EPC1: variants seen among roughly 807,000 people sequenced by gnomAD.
The protein encoded by EPC1 is enhancer of polycomb 1, also known as enhancer of polycomb homolog 1.
EPC1 carries 12 observed loss-of-function variants against 98.4 expected under a neutral mutation model. That is an observed-to-expected ratio of 0.12 (90% confidence interval 0.08 to 0.20). The LOEUF (loss-of-function observed/expected upper bound fraction) is 0.20. Ranked by LOEUF, EPC1 falls within the 10% of genes least tolerant of loss-of-function variation. The probability of loss-of-function intolerance (pLI) is 1.00; values close to 1 mark genes in which losing one functional copy is unlikely to be tolerated. For missense variants in EPC1, 729 were observed against 990.5 expected, an observed-to-expected ratio of 0.74 and a Z score of 3.54; for synonymous variants, 357 against 363.9, an observed-to-expected ratio of 0.98 and a Z score of 0.21.
upstream of EPC1, among the ~76,000 whole-genome samples, chr10:32,352,138 A>G (rs1839131968): frequency 2.9e-5 from 4 of 136,258 alleles, no homozygotes; most frequent in Middle Eastern, 4.7e-3. Flanking sequence ...TCCGCCTCCC[A>G]GGTTCACGCC....
chr10:32,304,453 A>C (rs925998453), intron 2 of EPC1, among the ~76,000 whole-genome samples: 2 of 152,232 alleles, frequency 1.3e-5, no homozygotes, highest in Admixed American at 6.5e-5. Flanking sequence ...TTAGGTTCTA[A>C]TATCTATCAC....
intron 10 of EPC1, among the ~76,000 whole-genome samples, chr10:32,280,582 T>C (rs1306944689): frequency 3.9e-5 from 6 of 151,992 alleles, no homozygotes; most frequent in Non-Finnish European, 7.4e-5. Flanking sequence ...CTACTAAAAA[T>C]ACAAAAATTA....
rs71493124 is a variant in EPC1, at chr10:32,378,441, C to G, written c.3+50G>C. 78 of 1,470,898 alleles carry G rather than the reference C, an allele frequency of 5.3e-5. 1 individual carries two copies. The Middle Eastern group carries it at 8.6e-4, about 16-fold the overall frequency. 91.1% of individuals were successfully genotyped at this position (1,470,898 alleles called of 1,614,324 possible). A position where few individuals can be genotyped will look rare whatever the true frequency, so the allele number is the denominator to read the frequency against. ...GAAACACAATGAAAATCCTTTTTAG[C>G]CGGTGGCTCTTTCAAAGACTGACAT... On this transcript the variant is annotated intron_variant, in intron 1 of 13. Transcript: ENST00000375110.
At chr10:32,367,387 A>G (rs1024154442) in intron 1 of EPC1, among the ~76,000 whole-genome samples, 10 of 152,240 alleles carry the variant, frequency 6.6e-5, no homozygotes, top group African/African-American at 2.2e-4. Context: ...TAAAAAGGCT[A>G]GTAAGAGATG....
upstream of EPC1, among the ~76,000 whole-genome samples, chr10:32,349,408 C>T (rs78618758): frequency 0.011 from 1,728 of 152,258 alleles, 35 homozygotes; most frequent in African/African-American, 0.039. Context: ...GATAAGCTTA[C>T]AGATTCACTT....
Position 32,364,001 on chromosome 10 carries a change from C to CCTTTTTTTTTT in EPC1, c.3+14489_3+14490insAAAAAAAAAAG, listed in dbSNP as rs770520611. ...AATAGTATCGTGTCCATCATGTTGG[C>CCTTTTTTTTTT]ATTTTTTTTTTTTTTTTTTTTTTTT... On this transcript the variant is annotated intron_variant, in intron 1 of 13. Coordinates refer to the EPC1 transcript ENST00000375110. Among the ~76,000 whole-genome samples, 45 of 61,858 alleles carry CCTTTTTTTTTT rather than the reference C, an allele frequency of 7.3e-4. 20 individuals carry two copies. Among genetic ancestry groups the CCTTTTTTTTTT allele is most frequent in the Non-Finnish European group, 6.8e-4 (22 of 32,530 alleles). 40.6% of individuals were successfully genotyped at this position (61,858 alleles called of 152,430 possible).
intron 1 of EPC1, among the ~76,000 whole-genome samples, chr10:32,322,023 T>G (rs1395285071): frequency 1.3e-5 from 2 of 149,598 alleles, no homozygotes; most frequent in African/African-American, 2.5e-5. Flanking sequence ...CTTAGAGTAC[T>G]TCTACTTGAT....
Position 32,325,371 on chromosome 10 carries a change from G to T in EPC1, c.154-19440C>A, listed in dbSNP as rs938364685. On this transcript the variant is annotated intron_variant, in intron 1 of 13. Transcript: ENST00000319778. The stretch of plus-strand genomic sequence containing the variant: ...ACAATGGATATGAGATAACTCACTG[G>T]ATCATTTTTAAAGCTTAATGCTATG... Among the ~76,000 whole-genome samples, 7 of 152,258 alleles carry T rather than the reference G, an allele frequency of 4.6e-5. No homozygotes were observed. The South Asian group carries it at 6.2e-4, about 14-fold the overall frequency.
chr10:32,343,810 A>G (rs1277079011), intron 1 of EPC1, among the ~76,000 whole-genome samples: 1 of 152,096 alleles, frequency 6.6e-6, no homozygotes, highest in African/African-American at 2.4e-5. Flanking sequence ...CACGAATAAT[A>G]CTTATTTTCC....
At chr10:32,332,470 T>G (rs532439080) in intron 1 of EPC1, among the ~76,000 whole-genome samples, 1 of 152,206 alleles carries the variant, frequency 6.6e-6, no homozygotes, top group Non-Finnish European at 1.5e-5. Flanking sequence ...GCAGAAGTGA[T>G]AGTACGTCAC....
intron 1 of EPC1, among the ~76,000 whole-genome samples, chr10:32,343,395 G>C (rs929746449): frequency 1.3e-5 from 2 of 152,144 alleles, no homozygotes; most frequent in Admixed American, 6.5e-5. Context: ...ATTTTTAGTA[G>C]AGACAGGGTT....
chr10:32,347,043 G>A lies in EPC1; in HGVS notation c.-128C>T. 1 of 1,471,282 alleles carries A rather than the reference G, an allele frequency of 6.8e-7. No homozygotes were observed. Among genetic ancestry groups the A allele is most frequent in the South Asian group, 1.4e-5 (1 of 73,700 alleles). 91.1% of individuals were successfully genotyped at this position (1,471,282 alleles called of 1,614,324 possible). ...ACTTGAGGGGCGGAGCGCAGAGCCC[G>A]CCGTCCGGGCACTAACACCAGCCGG... On this transcript the variant is annotated 5_prime_UTR_variant, in exon 1 of 14. Coordinates refer to ENST00000319778, the MANE Select transcript of EPC1 (RefSeq NM_001272004.3).
chr10:32,291,497 T>C, intron 5 of EPC1, 175 bp from the exon 6 acceptor site: 2 of 520,780 alleles, frequency 3.8e-6, no homozygotes, highest in Non-Finnish European at 3.3e-6. Flanking sequence ...GATCTACTCT[T>C]AGCAAATTTC....
At chr10:32,366,443 G>C (rs1350313724) in intron 1 of EPC1, among the ~76,000 whole-genome samples, 3 of 151,970 alleles carry the variant, frequency 2.0e-5, no homozygotes, top group Non-Finnish European at 2.9e-5. Context: ...TAAAAAAATA[G>C]GTAATTTTTC....
At chr10:32,328,745 G>A (rs1001521886) in intron 1 of EPC1, among the ~76,000 whole-genome samples, 2 of 152,184 alleles carry the variant, frequency 1.3e-5, no homozygotes, top group Non-Finnish European at 2.9e-5. Flanking sequence ...GGGGATTTCT[G>A]AATGGCGGTG....
chr10:32,365,598 A>G (rs1324436607), intron 1 of EPC1, among the ~76,000 whole-genome samples: 3 of 152,188 alleles, frequency 2.0e-5, no homozygotes, highest in East Asian at 3.9e-4. Context: ...GAATCATTTG[A>G]GGTCAGGAGT....
rs755778579 is a variant in EPC1 at position 32,286,806 on chromosome 10, T to G, written c.1279A>C (p.Ser427Arg). Reference protein sequence around the residue: ...LDQTGNWPWTSPKDGGLGDVR... With the variant: ...LDQTGNWPWTRPKDGGLGDVR... ...TCCCCTAATCCTCCATCTTTAGGAC[T>G]AGTCCAAGGCCAGTTGCCAGTTTGG... is the stretch of plus-strand genomic sequence containing the variant. Residue 427 changes from serine to arginine, a missense_variant, in exon 9 of 14, where the codon AGT (serine) becomes CGT (arginine). Coordinates refer to ENST00000319778, the MANE Select transcript of EPC1 (RefSeq NM_001272004.3). The G allele has an allele frequency of 6.2e-6, 10 of 1,614,156 alleles. No individual in the cohort carries two copies. Among genetic ancestry groups the G allele is most frequent in the Non-Finnish European group, 6.8e-6 (8 of 1,180,038 alleles).
At chr10:32,284,518 C>G (rs1161060000) in intron 10 of EPC1, 180 bp downstream of exon 10, 2 of 525,920 alleles carry the variant, frequency 3.8e-6, no homozygotes, top group Admixed American at 7.1e-5. Context: ...TGAAGACACA[C>G]ACATACAAAC....
At chr10:32,332,463 G>T (rs1354077777) in intron 1 of EPC1, among the ~76,000 whole-genome samples, 1 of 152,210 alleles carries the variant, frequency 6.6e-6, no homozygotes, top group Non-Finnish European at 1.5e-5. Flanking sequence ...GCACATGGCA[G>T]AAGTGATAGT....
Sources: allele counts gnomAD v4.1 joint callset (sites outside exome capture counted in the v4.1 genomes callset), GRCh38; gene constraint gnomAD v4.1.1; transcripts MANE v1.5; gene names NCBI Gene and HGNC (gene_info 2026-07-23, HGNC 2026-07-21).